Variants in MRC1 observed in about 807,000 individuals in gnomAD.
MRC1 encodes the protein macrophage mannose receptor 1.
In MRC1, 62 loss-of-function variants were observed where a neutral mutation model predicts 102.9. That is an observed-to-expected ratio of 0.60 (90% confidence interval 0.49 to 0.74). MRC1 has a LOEUF of 0.74. Ranked by LOEUF, MRC1 falls within the 30% of genes least tolerant of loss-of-function variation. The pLI is 0.00. For missense variants in MRC1, 1,237 were observed against 862.8 expected, an observed-to-expected ratio of 1.43 and a Z score of -5.43; for synonymous variants, 457 against 298.4, an observed-to-expected ratio of 1.53 and a Z score of -5.48.
intron 28 of MRC1, among the ~76,000 whole-genome samples, chr10:17,908,867 C>T (rs1833932344): frequency 6.6e-6 from 1 of 152,214 alleles, no homozygotes; most frequent in Non-Finnish European, 1.5e-5. Flanking sequence ...CCACTCCTGG[C>T]CTGGAGTCTT....
At chr10:17,897,687 C>T (rs1833774554) in intron 23 of MRC1, among the ~76,000 whole-genome samples, 1 of 152,164 alleles carries the variant, frequency 6.6e-6, no homozygotes. Flanking sequence ...ATGACACAAT[C>T]ATCTATGTTC....
chr10:17,846,298 A>G (rs1391220943), intron 6 of MRC1, among the ~76,000 whole-genome samples: 1 of 152,164 alleles, frequency 6.6e-6, no homozygotes, highest in African/African-American at 2.4e-5. Flanking sequence ...ATAAACTACT[A>G]AGGCAAGAAT....
chr10:17,850,443 A>C (rs1292993654), intron 7 of MRC1, among the ~76,000 whole-genome samples: 1 of 152,114 alleles, frequency 6.6e-6, no homozygotes, highest in African/African-American at 2.4e-5. Flanking sequence ...TCTACTAAAA[A>C]AAATTTTTTT....
chr10:17,810,525 T>C (rs891120679), intron 1 of MRC1, among the ~76,000 whole-genome samples: 13 of 152,040 alleles, frequency 8.6e-5, no homozygotes, highest in African/African-American at 2.9e-4. Context: ...GAAGGCGGTA[T>C]GGTTTACATC....
chr10:17,904,136 C>T (rs1261964599), intron 26 of MRC1, among the ~76,000 whole-genome samples: 1 of 152,156 alleles, frequency 6.6e-6, no homozygotes, highest in Non-Finnish European at 1.5e-5. Context: ...TTGTTTTACA[C>T]AGTTATCTTT....
intron 12 of MRC1, among the ~76,000 whole-genome samples, chr10:17,868,608 G>A (rs1439078974): frequency 6.6e-6 from 1 of 152,176 alleles, no homozygotes; most frequent in African/African-American, 2.4e-5. Flanking sequence ...TTTTCTAATA[G>A]TCCTGCTCTC....
rs1838725979 is a variant in MRC1 at position 17,839,974 on chromosome 10, G to C, written c.803-719G>C. Among the ~76,000 whole-genome samples the C allele has an allele frequency of 2.0e-5, 3 of 148,906 alleles. No individual in the cohort carries two copies. The Admixed American group carries it at 2.0e-4, about 10-fold the overall frequency. On this transcript the variant is annotated intron_variant, in intron 4 of 29. Transcript: ENST00000569591. ...CCAGCTACTCGAGAGGCTGAGGCAG[G>C]AGAATCGCTTGAACCCGAGAGGAGG...
rs1433796626 is a variant in MRC1, at chr10:17,846,341, TA to T, written c.1063+907del. On this transcript the variant is annotated intron_variant, in intron 6 of 29. Coordinates refer to ENST00000569591, the MANE Select transcript of MRC1 (RefSeq NM_002438.4). ...TCCAATTGATGAAAGACAAACTACATATTTTTTATTATTACCTCTTTTTGGA... is the reference window on the plus strand; with the variant it reads ...TCCAATTGATGAAAGACAAACTACATTTTTTTATTATTACCTCTTTTTGGA... Among the ~76,000 whole-genome samples, 112 of 123,970 alleles carry T rather than the reference TA, an allele frequency of 9.0e-4. No homozygotes were observed. In the East Asian group the frequency reaches 0.025, roughly 28 times the overall value. The allele number at this position is 123,970 out of a possible 152,430, so 81.3% of individuals were successfully genotyped here. A position where few individuals can be genotyped will look rare whatever the true frequency, so the allele number is the denominator to read the frequency against.
chr10:17,826,882 G>T (rs1025232656), intron 2 of MRC1, among the ~76,000 whole-genome samples: 15 of 152,290 alleles, frequency 9.8e-5, no homozygotes, highest in Admixed American at 6.5e-5. Flanking sequence ...AGAGAACAAT[G>T]CCAAAATGTC....
At chr10:17,905,031 G>A (rs1833877736) in intron 26 of MRC1, among the ~76,000 whole-genome samples, 1 of 152,208 alleles carries the variant, frequency 6.6e-6, no homozygotes, top group Non-Finnish European at 1.5e-5. Flanking sequence ...TGCACTGACT[G>A]AGCTCTGAAT....
chr10:17,909,790 C>A (rs1405425951), intron 29 of MRC1, among the ~76,000 whole-genome samples: 14 of 151,534 alleles, frequency 9.2e-5, no homozygotes, highest in African/African-American at 3.4e-4. Context: ...TTATTAACAT[C>A]ATGAGTGCCG....
intron 22 of MRC1, among the ~76,000 whole-genome samples, chr10:17,891,871 A>G (rs556485384): frequency 6.6e-6 from 1 of 152,136 alleles, no homozygotes; most frequent in East Asian, 1.9e-4. Context: ...AGCCCCAAGG[A>G]TATGGTGGTA....
At position 17,863,561 on chromosome 10, in the gene MRC1, C is replaced by T. The variant is rs1358501974; in HGVS notation, c.1662C>T (p.Phe554=). ...ATGAACAAGCCTTCCTGACTAGTTT[C>T]GTTGGCTTAAGGCCTGAAAAATATT... The part of the protein sequence containing the change: ...DRYEQAFLTS[F]VGLRPEKYFW... Residue 554 remains phenylalanine (F), a synonymous_variant, in exon 11 of 30, where the codon TTC becomes TTT. Coordinates refer to ENST00000569591, the MANE Select transcript of MRC1 (RefSeq NM_002438.4). 1.0e-5 allele frequency: 8 copies of T among 780,782 alleles called. No homozygotes were observed. The highest frequency in any genetic ancestry group is 1.7e-5 in the Non-Finnish European group (7 of 417,932). 48.4% of individuals were successfully genotyped at this position (780,782 alleles called of 1,614,324 possible).
chr10:17,864,437 A>T (rs1220931890), intron 11 of MRC1, among the ~76,000 whole-genome samples: 23 of 152,110 alleles, frequency 1.5e-4, no homozygotes, highest in Admixed American at 1.5e-3. Flanking sequence ...CATTATTTCC[A>T]TATCTTCCAT....
intron 4 of MRC1, among the ~76,000 whole-genome samples, chr10:17,834,141 C>T (rs943798056): frequency 6.6e-6 from 1 of 152,142 alleles, no homozygotes; most frequent in East Asian, 1.9e-4. Context: ...CGTTCTTGGA[C>T]GCAAGGCAGT....
At chr10:17,889,405 T>G (rs1330546043) in intron 22 of MRC1, among the ~76,000 whole-genome samples, 1 of 152,200 alleles carries the variant, frequency 6.6e-6, no homozygotes, top group Admixed American at 6.5e-5. Flanking sequence ...CCAATTATAC[T>G]TTAAGAAAGC....
intron 8 of MRC1, among the ~76,000 whole-genome samples, chr10:17,853,804 T>C (rs1833031734): frequency 6.6e-6 from 1 of 152,168 alleles, no homozygotes; most frequent in Non-Finnish European, 1.5e-5. Flanking sequence ...ACCTCAGTGA[T>C]TGAAAAATGT....
intron 3 of MRC1, among the ~76,000 whole-genome samples, chr10:17,832,920 G>A (rs1278358334): frequency 2.6e-5 from 4 of 152,234 alleles, no homozygotes; most frequent in Non-Finnish European, 4.4e-5. Context: ...GGGGGTATAT[G>A]TGCAGATGTC....
chr10:17,816,636 C>T (rs1014861258), intron 1 of MRC1, among the ~76,000 whole-genome samples: 4 of 152,166 alleles, frequency 2.6e-5, no homozygotes, highest in African/African-American at 7.2e-5. Context: ...GTGGTGCTGG[C>T]GTTTGGGAGT....
Sources: allele counts gnomAD v4.1 joint callset (sites outside exome capture counted in the v4.1 genomes callset), GRCh38; gene constraint gnomAD v4.1.1; transcripts MANE v1.5; gene names NCBI Gene and HGNC (gene_info 2026-07-23, HGNC 2026-07-21).